SCMH1: variants seen among roughly 807,000 people sequenced by gnomAD.
The protein encoded by SCMH1 is polycomb protein SCMH1.
In SCMH1, 37 loss-of-function variants were observed where a neutral mutation model predicts 70.8. The ratio of observed to expected loss-of-function variants is 0.52; its 90% confidence interval spans 0.40 to 0.69. SCMH1 has a LOEUF of 0.69. Among genes scored for constraint, SCMH1 ranks in the 30% least tolerant of loss-of-function variants. SCMH1 has a pLI of 0.00. For synonymous variants in SCMH1, 292 were observed against 307.4 expected, an observed-to-expected ratio of 0.95 and a Z score of 0.52; for missense variants, 607 against 827.3, an observed-to-expected ratio of 0.73 and a Z score of 3.27.
chr1:41,102,173 A>ATGTG lies in SCMH1; in HGVS notation c.745+11106_745+11109dup, dbSNP rs3834018. 1.5e-4 allele frequency among the ~76,000 whole-genome samples: 23 copies of ATGTG among 151,518 alleles called. No homozygotes were observed. The East Asian group carries it at 2.5e-3, about 17-fold the overall frequency. On this transcript the variant is annotated intron_variant, in intron 8 of 14. Coordinates refer to ENST00000337495, the Ensembl canonical transcript of SCMH1. ...AATAGGCTATTGTGCATGCACACGC[A>ATGTG]TGTGTGTGTGTGTGTGTCTACATGG... is the stretch of plus-strand genomic sequence containing the variant.
At chr1:41,192,495 GACACACACACACAC>G (rs55940657) in intron 1 of SCMH1, among the ~76,000 whole-genome samples, 1 of 148,646 alleles carries the variant, frequency 6.7e-6, no homozygotes, top group African/African-American at 2.5e-5. Flanking sequence ...TTAAATAGGA[GACACACACACACAC>G]ACACACACAC....
At position 41,046,607 on chromosome 1, in the gene SCMH1, T is replaced by TGA; in HGVS notation, c.1307-11_1307-10dup. 1 of 1,612,798 alleles carries TGA rather than the reference T, an allele frequency of 6.2e-7. No individual in the cohort carries two copies. Among genetic ancestry groups the TGA allele is most frequent in the Middle Eastern group, 1.7e-4 (1 of 5,990 alleles). ...TTCCCGGTCAAACACGGCTGTGGAGTGAGTAAACAGGGCCAAGCATGTCAG... is the reference window on the plus strand; with the variant it reads ...TTCCCGGTCAAACACGGCTGTGGAGTGAGAGTAAACAGGGCCAAGCATGTCAG... On this transcript the variant is annotated splice_polypyrimidine_tract_variant and intron_variant, in intron 11 of 14. Coordinates refer to ENST00000337495, the Ensembl canonical transcript of SCMH1.
chr1:41,209,258 T>C (rs1336387056), intron 1 of SCMH1, among the ~76,000 whole-genome samples: 2 of 152,128 alleles, frequency 1.3e-5, no homozygotes, highest in African/African-American at 4.8e-5. Context: ...CAGGACTAGA[T>C]GGATTCACAG....
rs530519987 is a variant in SCMH1, at chr1:41,179,306, C to A, written c.13+6815G>T. ...CAGGAAAGATCCAAAATTAAAAGAA[C>A]TAGAGAAAGCAAGAGCAAACACATT... On this transcript the variant is annotated intron_variant, in intron 2 of 14. Transcript: ENST00000337495. 1.2e-3 allele frequency among the ~76,000 whole-genome samples: 171 copies of A among 146,754 alleles called. 1 individual carries two copies. The highest frequency in any genetic ancestry group is 4.0e-3 in the African/African-American group (167 of 41,314).
intron 4 of SCMH1, among the ~76,000 whole-genome samples, chr1:41,154,825 T>A (rs898686632): frequency 6.6e-6 from 1 of 152,242 alleles, no homozygotes; most frequent in South Asian, 2.1e-4. Flanking sequence ...ATTCAAACAG[T>A]ATAATTTGAA....
chr1:41,219,537 G>A (rs375706954), intron 1 of SCMH1, among the ~76,000 whole-genome samples: 8 of 152,124 alleles, frequency 5.3e-5, no homozygotes, highest in East Asian at 1.9e-4. Context: ...ATTGAAATAC[G>A]TCAGATGTCA....
chr1:41,170,116 G>A (rs1178928552), intron 2 of SCMH1, among the ~76,000 whole-genome samples: 1 of 152,210 alleles, frequency 6.6e-6, no homozygotes, highest in Admixed American at 6.5e-5. Flanking sequence ...GCTCCTGGGG[G>A]ATGAAAGCTC....
intron 2 of SCMH1, among the ~76,000 whole-genome samples, chr1:41,174,171 A>T (rs546722702): frequency 6.6e-6 from 1 of 152,300 alleles, no homozygotes; most frequent in Admixed American, 6.5e-5. Flanking sequence ...TATTGTGTAC[A>T]TGTATTGAAA....
At chr1:41,151,522 GC>G (rs1306617972) in intron 5 of SCMH1, 91 bp downstream of exon 5, 11 of 961,816 alleles carry the variant, frequency 1.1e-5, no homozygotes, top group Non-Finnish European at 1.7e-5. Flanking sequence ...CAGGTAAGAA[GC>G]CCAAGGGCTT....
At chr1:41,174,261 ATT>A (rs140469563) in intron 2 of SCMH1, among the ~76,000 whole-genome samples, 52 of 141,796 alleles carry the variant, frequency 3.7e-4, no homozygotes, top group Middle Eastern at 3.6e-3. Flanking sequence ...AAAGTCTCCA[ATT>A]TTTTTTTTTT....
chr1:41,137,771 G>A (rs374538946), intron 6 of SCMH1, among the ~76,000 whole-genome samples: 1 of 152,166 alleles, frequency 6.6e-6, no homozygotes, highest in Non-Finnish European at 1.5e-5. Flanking sequence ...CCTCAGGATG[G>A]GGGAGGAGAG....
chr1:41,084,433 T>A (rs924668840), intron 8 of SCMH1, among the ~76,000 whole-genome samples: 1 of 152,108 alleles, frequency 6.6e-6, no homozygotes, highest in Non-Finnish European at 1.5e-5. Context: ...TGAGATACCA[T>A]CTCACACCAG....
intron 5 of SCMH1, among the ~76,000 whole-genome samples, chr1:41,148,423 G>A (rs1305890233): frequency 6.6e-6 from 1 of 152,170 alleles, no homozygotes; most frequent in South Asian, 2.1e-4. Context: ...CATTTCTTGA[G>A]GTGTGAGTCT....
chr1:41,064,346 C>G (rs1193358151), intron 10 of SCMH1, among the ~76,000 whole-genome samples: 1 of 152,188 alleles, frequency 6.6e-6, no homozygotes, highest in African/African-American at 2.4e-5. Flanking sequence ...GACAAGGATG[C>G]CCTCTCTTAC....
At chr1:41,052,252 G>A (rs979169013) in intron 10 of SCMH1, among the ~76,000 whole-genome samples, 4 of 152,228 alleles carry the variant, frequency 2.6e-5, no homozygotes, top group African/African-American at 9.6e-5. Context: ...GGGCTGCACA[G>A]CAGGAGTTGA....
At chr1:41,177,959 A>G (rs1399359011) in intron 2 of SCMH1, among the ~76,000 whole-genome samples, 2 of 152,226 alleles carry the variant, frequency 1.3e-5, no homozygotes, top group East Asian at 1.9e-4. Context: ...AGTTGAAATG[A>G]AGGAAAAATT....
intron 1 of SCMH1, among the ~76,000 whole-genome samples, chr1:41,239,110 AAAAAT>A (rs1308235357): frequency 6.9e-6 from 1 of 144,858 alleles, no homozygotes; most frequent in African/African-American, 2.5e-5. Flanking sequence ...GTGATTAAAT[AAAAAT>A]AAAAAAAAAA....
intron 5 of SCMH1, 86 bp from the exon 6 acceptor site, chr1:41,143,198 GC>G: frequency 1.0e-6 from 1 of 952,962 alleles, no homozygotes; most frequent in Non-Finnish European, 1.6e-6. Flanking sequence ...TTATAGCTGG[GC>G]CAGGGACAAC....
intron 1 of SCMH1, among the ~76,000 whole-genome samples, chr1:41,239,293 T>C (rs2148952330): frequency 6.6e-6 from 1 of 152,328 alleles, no homozygotes; most frequent in East Asian, 1.9e-4. Flanking sequence ...ATTGATGCCT[T>C]TGCTCAAGCT....
Sources: allele counts gnomAD v4.1 joint callset (sites outside exome capture counted in the v4.1 genomes callset), GRCh38; gene constraint gnomAD v4.1.1; transcripts MANE v1.5; gene names NCBI Gene and HGNC (gene_info 2026-07-23, HGNC 2026-07-21).